Variants in PACS2 observed in about 807,000 individuals in gnomAD.
PACS2 encodes PACS1-like protein.
In PACS2, 36 loss-of-function variants were observed where a neutral mutation model predicts 113.0. The ratio of observed to expected loss-of-function variants is 0.32; its 90% CI spans 0.24 to 0.42. The LOEUF (loss-of-function observed/expected upper bound fraction) is 0.42. Among genes scored for constraint, PACS2 ranks in the 10% least tolerant of loss-of-function variants. The pLI, the probability that PACS2 is intolerant of heterozygous loss-of-function variation, is 1.00. For synonymous variants in PACS2, 589 were observed against 536.1 expected (o/e 1.10, Z -1.36); for missense variants, 1,015 against 1,239.5 (o/e 0.82, Z 2.72).
intron 1 of PACS2, among the ~76,000 whole-genome samples, chr14:105,318,882 A>G (rs1595556882): frequency 6.7e-6 from 1 of 149,334 alleles, no homozygotes; most frequent in Admixed American, 6.7e-5. Flanking sequence ...GGATGGTCTC[A>G]ATTTTCTGAC....
rs1244543560 is a variant in PACS2 at position 105,369,981 on chromosome 14, C to T, written c.801+81C>T. 2.5e-6 allele frequency: 3 copies of T among 1,202,792 alleles called. No individual in the cohort carries two copies. In the African/African-American group the frequency reaches 4.5e-5, roughly 18 times the overall value. The allele number at this position is 1,202,792 out of a possible 1,614,324, so 74.5% of individuals were successfully genotyped here. ...GGGAGGAGGCCTCTGGGGTCTGTCT[C>T]CGGGCCACCTCTGGTTCTGCCGCTC... On this transcript the variant is annotated intron_variant, in intron 8 of 24. Transcript: ENST00000447393.
chr14:105,390,872 G>A (rs2081332613), intron 20 of PACS2: 2 of 387,896 alleles, frequency 5.2e-6, no homozygotes, highest in Non-Finnish European at 9.5e-6. Flanking sequence ...TGCCAGGTCC[G>A]GGGCCTATCC....
At chr14:105,389,570 C>T (rs2081287731) in intron 19 of PACS2, 4 of 256,200 alleles carry the variant, frequency 1.6e-5, no homozygotes, top group Non-Finnish European at 3.1e-5. Flanking sequence ...AGCAGGGGTG[C>T]CCAGCTTGGT....
intron 1 of PACS2, among the ~76,000 whole-genome samples, chr14:105,326,990 A>C (rs2059134985): frequency 6.6e-6 from 1 of 152,194 alleles, no homozygotes; most frequent in African/African-American, 2.4e-5. Flanking sequence ...TGGAAAGTTA[A>C]GTCACTACAC....
intron 18 of PACS2, 118 bp from the exon 19 acceptor site, chr14:105,385,567 C>G (rs2081148211): frequency 2.2e-5 from 13 of 596,618 alleles, no homozygotes; most frequent in Non-Finnish European, 3.4e-5. Context: ...CGCTCACGGG[C>G]TCTCCCACGC....
chr14:105,333,671 C>T lies in PACS2; in HGVS notation c.120-14822C>T, dbSNP rs139270916. Among the ~76,000 whole-genome samples, 7 of 152,356 alleles carry T rather than the reference C, an allele frequency of 4.6e-5. No individual in the cohort carries two copies. In the East Asian group the frequency reaches 7.7e-4, roughly 17 times the overall value. On this transcript the variant is annotated intron_variant, in intron 1 of 24. Transcript: ENST00000447393. The stretch of plus-strand genomic sequence containing the variant: ...TGCAGGCCCACTCTTCAGCCTTTGC[C>T]CCGTGGGCCATTGGGGAGGGAGGAG...
At chr14:105,386,580 C>T (rs1369153680) in intron 19 of PACS2, among the ~76,000 whole-genome samples, 3 of 152,152 alleles carry the variant, frequency 2.0e-5, no homozygotes, top group Admixed American at 6.5e-5. Flanking sequence ...GTGGGGGCCC[C>T]TGCTGGTCCT....
In PACS2 at chr14:105,329,438, A is replaced by G. The variant is rs1324207647; in HGVS notation, c.119+14401A>G. ...CTGCCTGCTGCTCCTGCCCCACCAGAACCATCCTGAGTCCAAACTGGCTGA... is the reference window on the plus strand; with the variant it reads ...CTGCCTGCTGCTCCTGCCCCACCAGGACCATCCTGAGTCCAAACTGGCTGA... On this transcript the variant is annotated intron_variant, in intron 1 of 24. Transcript: ENST00000447393. This position sits in a 1 kb window ranked among gnomAD's most constrained non-coding sequence, Gnocchi z 6.4. Among the ~76,000 whole-genome samples, 1 of 152,172 alleles carries G rather than the reference A, an allele frequency of 6.6e-6. No individual in the cohort carries two copies. The highest frequency in any genetic ancestry group is 1.5e-5 in the Non-Finnish European group (1 of 68,028).
At chr14:105,342,236 G>T (rs2059756644) in intron 1 of PACS2, among the ~76,000 whole-genome samples, 2 of 147,064 alleles carry the variant, frequency 1.4e-5, no homozygotes, top group Non-Finnish European at 3.1e-5. Flanking sequence ...CTGCCTGTGT[G>T]TGTGTGTGTG....
intron 7 of PACS2, among the ~76,000 whole-genome samples, chr14:105,369,394 C>T (rs1456307838): frequency 1.3e-5 from 2 of 152,220 alleles, no homozygotes; most frequent in Non-Finnish European, 2.9e-5. Context: ...CACCCAGTGG[C>T]TGGAGCCGAG....
intron 1 of PACS2, among the ~76,000 whole-genome samples, chr14:105,321,874 CATA>C (rs1426010427): frequency 1.3e-5 from 2 of 151,310 alleles, no homozygotes; most frequent in Admixed American, 6.6e-5. Context: ...TATATCCTTA[CATA>C]TTAGATGTGT....
intron 1 of PACS2, among the ~76,000 whole-genome samples, chr14:105,322,748 G>A (rs1428343727): frequency 6.6e-6 from 1 of 152,156 alleles, no homozygotes; most frequent in Non-Finnish European, 1.5e-5. Context: ...GCTTTATACT[G>A]TGATATTTGA....
At chr14:105,360,796 A>T (rs1449230634) in intron 4 of PACS2, among the ~76,000 whole-genome samples, 1 of 152,036 alleles carries the variant, frequency 6.6e-6, no homozygotes, top group African/African-American at 2.4e-5. Flanking sequence ...ACCCACCATT[A>T]TTTCAGAATT....
At chr14:105,383,714 A>G in intron 16 of PACS2, 1 of 559,040 alleles carries the variant, frequency 1.8e-6, no homozygotes, top group South Asian at 2.3e-5. Context: ...ATACAGTAAC[A>G]CTTTGTTAAT....
chr14:105,395,042 C>T lies in PACS2; in HGVS notation c.*370C>T, dbSNP rs115791304. 17 of 236,156 alleles carry T rather than the reference C, an allele frequency of 7.2e-5. No individual in the cohort carries two copies. The highest frequency in any genetic ancestry group is 2.7e-4 in the African/African-American group (12 of 44,414). 14.6% of individuals were successfully genotyped at this position (236,156 alleles called of 1,614,324 possible). A position where few individuals can be genotyped will look rare whatever the true frequency, so the allele number is the denominator to read the frequency against. ...GCTTCCTCAGGGAGCCCGGGGAAGG[C>T]GGAGCTCAGTGGCCACAGGCCGAGG... On this transcript the variant is annotated 3_prime_UTR_variant, in exon 25 of 25. Transcript: ENST00000447393.
intron 1 of PACS2, among the ~76,000 whole-genome samples, chr14:105,308,669 G>C (rs1319655117): frequency 6.6e-6 from 1 of 151,718 alleles, no homozygotes; most frequent in Non-Finnish European, 1.5e-5. Context: ...TTTTAGTAGA[G>C]ACAGGGTTTC....
chr14:105,311,515 A>G (rs2058348245), upstream of PACS2, among the ~76,000 whole-genome samples: 1 of 152,182 alleles, frequency 6.6e-6, no homozygotes, highest in African/African-American at 2.4e-5. Flanking sequence ...TTGGCCTCCC[A>G]AAGTGCTGGG....
At position 105,392,837 on chromosome 14, in the gene PACS2, A is replaced by G; in HGVS notation, c.2474A>G (p.Asn825Ser). Residue 825 changes from asparagine to serine, a missense_variant, in exon 23 of 25, where the codon AAC (asparagine) becomes AGC (serine). By Grantham distance (46) the Asn-to-Ser change is conservative. Around this residue, in one of 3 missense-constraint regions of PACS2, gnomAD observed 859 missense variants for 1,056.8 expected, o/e 0.81. Coordinates refer to ENST00000447393, the MANE Select transcript of PACS2 (RefSeq NM_001100913.3). Reference protein sequence around the residue: ...MSMTVVTKEKNKKVMFLPKKA... With the variant: ...MSMTVVTKEKSKKVMFLPKKA... Reference sequence around the variant, plus strand: ...ATGACCGTGGTCACCAAGGAGAAGAACAAGAAGGGTGAGGTGGGGCAGGCT... The same window carrying G: ...ATGACCGTGGTCACCAAGGAGAAGAGCAAGAAGGGTGAGGTGGGGCAGGCT... 6.2e-7 allele frequency: 1 copy of G among 1,601,346 alleles called. No individual in the cohort carries two copies. The highest frequency in any genetic ancestry group is 8.5e-7 in the Non-Finnish European group (1 of 1,178,144).
chr14:105,380,944 C>G lies in PACS2; in HGVS notation c.1126-13C>G, dbSNP rs373751436. The G allele has an allele frequency of 3.1e-6, 5 of 1,605,152 alleles. No homozygotes were observed. The highest frequency in any genetic ancestry group is 1.7e-4 in the Middle Eastern group (1 of 6,060). On this transcript the variant is annotated splice_polypyrimidine_tract_variant and intron_variant, in intron 11 of 24. Transcript: ENST00000447393. ...TTTCCACGGGAGGCTCCAGGCCCGT[C>G]TCTGCTCAGCAGGGTGTGCCAGGCC... is the stretch of plus-strand genomic sequence containing the variant.
Sources: gnomAD v4.1 joint callset for allele counts (sites outside exome capture counted in the v4.1 genomes callset) on GRCh38, gnomAD v4.1.1 for gene constraint, gnomAD v4.1.1 regional missense constraint, Gnocchi (gnomAD v3.1) non-coding constraint, MANE v1.5 for transcripts, NCBI Gene and HGNC (gene_info 2026-07-23, HGNC 2026-07-21) for gene names.